The following TMEM132B variants were observed in gnomAD, a reference collection of about 807,000 sequenced individuals.
The protein encoded by TMEM132B is transmembrane protein 132B.
In TMEM132B, 18 loss-of-function variants were observed where a neutral mutation model predicts 90.8. The ratio of observed to expected loss-of-function variants is 0.20; its 90% confidence interval spans 0.14 to 0.29. The LOEUF (loss-of-function observed/expected upper bound fraction) is 0.29. Ranked by LOEUF, TMEM132B falls within the 10% of genes least tolerant of loss-of-function variation. TMEM132B has a pLI of 1.00. For synonymous variants in TMEM132B, 504 were observed against 523.3 expected (o/e 0.96, Z 0.50); for missense variants, 1,096 against 1,326.8 (o/e 0.83, Z 2.70).
chr12:125,335,592 A>T (rs1353058654), intron 1 of TMEM132B, among the ~76,000 whole-genome samples: 1 of 152,250 alleles, frequency 6.6e-6, no homozygotes, highest in African/African-American at 2.4e-5. Context: ...AGAATGTGAA[A>T]CTTGAAAATG....
At chr12:125,252,557 G>T (rs1277370445) in intron 1 of TMEM132B, among the ~76,000 whole-genome samples, 1 of 152,182 alleles carries the variant, frequency 6.6e-6, no homozygotes, top group Non-Finnish European at 1.5e-5. Context: ...GAACAAACCT[G>T]GCCAACTCCA....
rs916183123 is a variant in TMEM132B at position 125,655,101 on chromosome 12, T to C, written c.*391T>C. On this transcript the variant is annotated 3_prime_UTR_variant, in exon 9 of 9. Transcript: ENST00000682704. The stretch of plus-strand genomic sequence containing the variant: ...CCTTTTAAAGCACAGTGGACACTTA[T>C]TGCCCCTTGGCCTGAGTTTAGACAT... 1 of 186,094 alleles carries C rather than the reference T, an allele frequency of 5.4e-6. No homozygotes were observed. The highest frequency in any genetic ancestry group is 1.1e-5 in the Non-Finnish European group (1 of 88,682). 11.5% of individuals were successfully genotyped at this position (186,094 alleles called of 1,614,324 possible).
At chr12:125,551,862 T>C (rs1884237463) in intron 4 of TMEM132B, among the ~76,000 whole-genome samples, 1 of 152,168 alleles carries the variant, frequency 6.6e-6, no homozygotes, top group Non-Finnish European at 1.5e-5. Flanking sequence ...ACCTGGCACA[T>C]TGTTTTCATG....
chr12:125,314,927 G>A (rs1300712261), intron 1 of TMEM132B, among the ~76,000 whole-genome samples: 1 of 152,218 alleles, frequency 6.6e-6, no homozygotes, highest in Non-Finnish European at 1.5e-5. Flanking sequence ...CTGGAGAGGG[G>A]AGTCTGGGGG....
At chr12:125,263,827 A>G (rs1005356185) in intron 1 of TMEM132B, among the ~76,000 whole-genome samples, 19 of 152,188 alleles carry the variant, frequency 1.2e-4, no homozygotes, top group Non-Finnish European at 2.4e-4. Flanking sequence ...GTGAAATCCA[A>G]CCAGATGTAG....
At chr12:125,444,906 C>T (rs921086258) in intron 3 of TMEM132B, among the ~76,000 whole-genome samples, 1 of 152,084 alleles carries the variant, frequency 6.6e-6, no homozygotes, top group Non-Finnish European at 1.5e-5. Flanking sequence ...AGCTGCTGCC[C>T]GAGAATTTCC....
At chr12:125,262,037 C>T (rs1167532349) in intron 1 of TMEM132B, among the ~76,000 whole-genome samples, 1 of 152,028 alleles carries the variant, frequency 6.6e-6, no homozygotes, top group Admixed American at 6.6e-5. Flanking sequence ...ATATAACCAG[C>T]ACAACAAACC....
chr12:125,194,628 CT>C (rs1872885812), intron 1 of TMEM132B, among the ~76,000 whole-genome samples: 1 of 151,204 alleles, frequency 6.6e-6, no homozygotes. Context: ...GGTATTTTTC[CT>C]TTCTGTAGTT....
intron 1 of TMEM132B, among the ~76,000 whole-genome samples, chr12:125,253,285 C>T (rs2136103945): frequency 6.6e-6 from 1 of 152,296 alleles, no homozygotes; most frequent in African/African-American, 2.4e-5. Flanking sequence ...GTGCCAGGCA[C>T]TGCGTTAAGT....
chr12:125,384,049 C>A (rs143586154), intron 2 of TMEM132B, among the ~76,000 whole-genome samples: 2 of 152,096 alleles, frequency 1.3e-5, no homozygotes, highest in Non-Finnish European at 2.9e-5. Context: ...TGGGTTCAAG[C>A]GATTCTCCTG....
chr12:125,227,074 G>A (rs11058079), intron 1 of TMEM132B, among the ~76,000 whole-genome samples: 8,328 of 152,272 alleles, frequency 0.055, 278 homozygotes, highest in African/African-American at 0.083. Flanking sequence ...CCAGGAGTGA[G>A]TGACCTCCAG....
At chr12:125,494,194 C>G (rs1882448684) in intron 3 of TMEM132B, among the ~76,000 whole-genome samples, 1 of 142,542 alleles carries the variant, frequency 7.0e-6, no homozygotes, top group African/African-American at 2.6e-5. Context: ...CCCCCTCCTC[C>G]CTGGAAATGG....
intron 1 of TMEM132B, among the ~76,000 whole-genome samples, chr12:125,281,626 T>A (rs1191400086): frequency 6.6e-6 from 1 of 152,178 alleles, no homozygotes. Flanking sequence ...AGGTGCTCTC[T>A]ACAATGTCCC....
At chr12:125,589,629 A>T (rs1243149497) in intron 5 of TMEM132B, among the ~76,000 whole-genome samples, 1 of 152,132 alleles carries the variant, frequency 6.6e-6, no homozygotes, top group Non-Finnish European at 1.5e-5. Flanking sequence ...GGAAACTTAC[A>T]GCCATATCAG....
intron 1 of TMEM132B, among the ~76,000 whole-genome samples, chr12:125,321,491 T>C (rs1431139936): frequency 1.3e-5 from 2 of 151,868 alleles, no homozygotes; most frequent in Non-Finnish European, 1.5e-5. Context: ...TTTTTTTTTT[T>C]TTCTTTACGG....
chr12:125,530,370 G>C (rs1292109365), intron 4 of TMEM132B, among the ~76,000 whole-genome samples: 1 of 151,762 alleles, frequency 6.6e-6, no homozygotes. Flanking sequence ...ATCCTGTAAA[G>C]CTCCATCTGG....
chr12:125,642,387 C>T (rs1243048503), intron 5 of TMEM132B, among the ~76,000 whole-genome samples: 1 of 152,200 alleles, frequency 6.6e-6, no homozygotes, highest in East Asian at 1.9e-4. Context: ...TCTTCTCTCT[C>T]TTTTTATAAA....
intron 1 of TMEM132B, among the ~76,000 whole-genome samples, chr12:125,273,098 A>G (rs1323558246): frequency 1.3e-5 from 2 of 152,234 alleles, no homozygotes; most frequent in East Asian, 1.9e-4. Context: ...AAAACCGTAC[A>G]ATGAATAGCC....
chr12:125,615,538 T>C (rs966134814), intron 5 of TMEM132B, among the ~76,000 whole-genome samples: 4 of 152,210 alleles, frequency 2.6e-5, no homozygotes, highest in African/African-American at 7.2e-5. Flanking sequence ...TTTTCTACTT[T>C]TCAACTCTGC....
Sources: gnomAD v4.1 joint callset for allele counts (sites outside exome capture counted in the v4.1 genomes callset) on GRCh38, gnomAD v4.1.1 for gene constraint, MANE v1.5 for transcripts, NCBI Gene and HGNC (gene_info 2026-07-23, HGNC 2026-07-21) for gene names.